ITPK1: variants seen among roughly 807,000 people sequenced by gnomAD.
ITPK1 encodes inositol-tetrakisphosphate 1-kinase.
A neutral mutation model predicts 45.3 loss-of-function variants in ITPK1; 21 were observed. The ratio of observed to expected loss-of-function variants is 0.46; its 90% confidence interval spans 0.33 to 0.67. The LOEUF (loss-of-function observed/expected upper bound fraction) is 0.67. ITPK1 is among the 30% of genes least tolerant of loss of function. The pLI is 0.02. For missense variants in ITPK1, 474 were observed against 573.5 expected, an observed-to-expected ratio of 0.83 and a Z score of 1.77; for synonymous variants, 258 against 253.6, an observed-to-expected ratio of 1.02 and a Z score of -0.16.
intron 3 of ITPK1, among the ~76,000 whole-genome samples, chr14:93,042,272 G>A (rs1049419357): frequency 6.6e-6 from 1 of 152,152 alleles, no homozygotes; most frequent in African/African-American, 2.4e-5. Context: ...TCTAGTAAAC[G>A]TTCATTCAGT....
intron 4 of ITPK1, among the ~76,000 whole-genome samples, chr14:92,997,185 G>GGCCA (rs1445546246): frequency 3.9e-5 from 6 of 152,178 alleles, no homozygotes; most frequent in Non-Finnish European, 7.3e-5. Flanking sequence ...CAGCAACCGA[G>GGCCA]GCCACTTAGA....
At chr14:93,066,431 G>GAGTCTTGC (rs1196970661) in intron 3 of ITPK1, 2 of 353,370 alleles carry the variant, frequency 5.7e-6, no homozygotes, top group Non-Finnish European at 1.1e-5. Flanking sequence ...TTTTGAGACG[G>GAGTCTTGC]AGTCTTGCTC....
chr14:92,954,768 G>A (rs1888115985), intron 8 of ITPK1, among the ~76,000 whole-genome samples: 1 of 152,158 alleles, frequency 6.6e-6, no homozygotes, highest in African/African-American at 2.4e-5. Context: ...AGGCGAAGGG[G>A]ATGGGGAGAA....
chr14:92,987,831 C>T (rs1432617514), intron 5 of ITPK1, among the ~76,000 whole-genome samples: 1 of 152,202 alleles, frequency 6.6e-6, no homozygotes, highest in Admixed American at 6.5e-5. Context: ...CACCCCATGA[C>T]TCCCGGACTG....
chr14:92,989,361 C>G (rs997831629), intron 5 of ITPK1, among the ~76,000 whole-genome samples: 2 of 152,240 alleles, frequency 1.3e-5, no homozygotes, highest in South Asian at 4.2e-4. Context: ...GGAGAGCCAC[C>G]CATCACCCCA....
At chr14:93,026,320 A>G (rs1888725988) in intron 3 of ITPK1, among the ~76,000 whole-genome samples, 2 of 152,214 alleles carry the variant, frequency 1.3e-5, no homozygotes, top group Admixed American at 1.3e-4. Flanking sequence ...AACACAACAG[A>G]AAACATGAAC....
intron 2 of ITPK1, among the ~76,000 whole-genome samples, chr14:93,087,864 A>G (rs1891709177): frequency 6.6e-6 from 1 of 152,250 alleles, no homozygotes; most frequent in East Asian, 1.9e-4. Flanking sequence ...GGTACAGCCC[A>G]GCATGGCCGC....
intron 2 of ITPK1, among the ~76,000 whole-genome samples, chr14:93,093,632 G>T (rs28496090): frequency 0.25 from 37,331 of 152,136 alleles, 4,726 homozygotes; most frequent in South Asian, 0.33. Context: ...GGATACAGAG[G>T]GCGTGGCGAT....
chr14:92,983,612 C>T (rs957047050), intron 5 of ITPK1, among the ~76,000 whole-genome samples: 2 of 152,122 alleles, frequency 1.3e-5, no homozygotes, highest in Non-Finnish European at 2.9e-5. Flanking sequence ...GTGCCAATAA[C>T]GACAAACACA....
In ITPK1 at chr14:92,958,267, C is replaced by A. The variant is rs750906842; in HGVS notation, c.604G>T (p.Val202Leu). 1 of 1,614,158 alleles carries A rather than the reference C, an allele frequency of 6.2e-7. No individual in the cohort carries two copies. Among genetic ancestry groups the A allele is most frequent in the Non-Finnish European group, 8.5e-7 (1 of 1,180,012 alleles). The change falls in exon 8 of 11, where the codon GTG (valine) becomes TTG (leucine). Residue 202 changes from valine to leucine, a missense_variant. Around this residue, in one of 2 missense-constraint regions of ITPK1, gnomAD observed 367 missense variants for 480.6 expected, o/e 0.76. Transcript: ENST00000267615. This position sits in a 1 kb window ranked among gnomAD's most constrained non-coding sequence, Gnocchi z 4.4. ...ACCACGGTGTAGGACTCGCCAACCA[C>A]GAACACCTTGTACAGGACGGCGTTG... ...NHNAVLYKVF[V>L]VGESYTVVQR...
At chr14:92,978,693 C>T (rs1025373137) in intron 5 of ITPK1, among the ~76,000 whole-genome samples, 2 of 151,472 alleles carry the variant, frequency 1.3e-5, no homozygotes, top group Non-Finnish European at 2.9e-5. Context: ...ATCCCCAAGC[C>T]TTGGTGGCTT....
In ITPK1 at chr14:92,937,304, G is replaced by A. The variant is rs377094161; in HGVS notation, c.*4257C>T. ...AAACAGCATTTGTCACAAAGCCCAG[G>A]TGTCGGCAGGAACAGCAACATCCTG... On this transcript the variant is annotated 3_prime_UTR_variant, in exon 11 of 11. Transcript: ENST00000267615. 2 of 152,252 alleles carry A rather than the reference G, an allele frequency of 1.3e-5. No homozygotes were observed. Among genetic ancestry groups the A allele is most frequent in the African/African-American group, 4.8e-5 (2 of 41,458 alleles). 9.4% of individuals were successfully genotyped at this position (152,252 alleles called of 1,614,324 possible).
chr14:93,010,402 G>A (rs1219672645), intron 4 of ITPK1, among the ~76,000 whole-genome samples: 2 of 152,236 alleles, frequency 1.3e-5, no homozygotes, highest in East Asian at 1.9e-4. Context: ...GTGAACCGCG[G>A]CCTTGGGTAG....
rs116539182 is a variant in ITPK1 at position 93,093,109 on chromosome 14, C to T, written c.96-16490G>A. On this transcript the variant is annotated intron_variant, in intron 2 of 10. Coordinates refer to ENST00000267615, the MANE Select transcript of ITPK1 (RefSeq NM_014216.6). ...GATGGCTACTCAACAAGCAGGATGC[C>T]GTTCTGTGACCAAGTCCAGGCCTGC... is the stretch of plus-strand genomic sequence containing the variant. Among the ~76,000 whole-genome samples, 438 of 152,292 alleles carry T rather than the reference C, an allele frequency of 2.9e-3. 3 individuals carry two copies. The highest frequency in any genetic ancestry group is 9.8e-3 in the African/African-American group (409 of 41,554).
rs977221294 is a variant in ITPK1 at position 93,016,036 on chromosome 14, G to A, written c.246+640C>T. Among the ~76,000 whole-genome samples, 3 of 152,168 alleles carry A rather than the reference G, an allele frequency of 2.0e-5. No homozygotes were observed. The highest frequency in any genetic ancestry group is 4.4e-5 in the Non-Finnish European group (3 of 68,030). ...ATGACCTCTGAGCCGCTTTCTAGAG[G>A]ACAGAATCACGTTCTTGTCCACAAC... On this transcript the variant is annotated intron_variant, in intron 4 of 10. Coordinates refer to ENST00000267615, the MANE Select transcript of ITPK1 (RefSeq NM_014216.6). The surrounding 1 kb of genome is among the most constrained non-coding windows in gnomAD (Gnocchi z 5.0).
At chr14:92,955,679 A>G (rs913400065) in intron 8 of ITPK1, among the ~76,000 whole-genome samples, 2 of 152,252 alleles carry the variant, frequency 1.3e-5, no homozygotes, top group Non-Finnish European at 2.9e-5. Flanking sequence ...CGTAAAAAAC[A>G]AAAGTGCAGC....
chr14:92,982,818 A>T (rs1202544354), intron 5 of ITPK1, among the ~76,000 whole-genome samples: 1 of 152,248 alleles, frequency 6.6e-6, no homozygotes, highest in Non-Finnish European at 1.5e-5. Flanking sequence ...GCATTTCGCC[A>T]GTGGCCACAG....
At chr14:93,095,835 A>C (rs892022972) in intron 2 of ITPK1, among the ~76,000 whole-genome samples, 4 of 151,772 alleles carry the variant, frequency 2.6e-5, no homozygotes, top group African/African-American at 9.7e-5. Flanking sequence ...TCTATAAGTA[A>C]GAACATGAAA....
Position 92,940,303 on chromosome 14 carries a change from A to AG in ITPK1, c.*1257dup. The AG allele has an allele frequency of 2.0e-6, 2 of 990,460 alleles. No individual in the cohort carries two copies. Among genetic ancestry groups the AG allele is most frequent in the Non-Finnish European group, 2.4e-6 (2 of 832,958 alleles). 61.4% of individuals were successfully genotyped at this position (990,460 alleles called of 1,614,324 possible). On this transcript the variant is annotated 3_prime_UTR_variant, in exon 11 of 11. Transcript: ENST00000267615. ...TTGTGGGGGCTGATGCCTCTCACCC[A>AG]GCACCCCACATCTTCCAGGACTGCA...
Sources: gnomAD v4.1 joint callset for allele counts (sites outside exome capture counted in the v4.1 genomes callset) on GRCh38, gnomAD v4.1.1 for gene constraint, gnomAD v4.1.1 regional missense constraint, Gnocchi (gnomAD v3.1) non-coding constraint, MANE v1.5 for transcripts, NCBI Gene and HGNC (gene_info 2026-07-23, HGNC 2026-07-21) for gene names.